Variants in TBX3 observed in about 807,000 individuals in gnomAD.
The protein encoded by TBX3 is T-box transcription factor 3, also known as T-box transcription factor TBX3.
In TBX3, 11 loss-of-function variants were observed where a neutral mutation model predicts 47.8. The observed-to-expected ratio is 0.23, with a 90% confidence interval of 0.14 to 0.38. The LOEUF (loss-of-function observed/expected upper bound fraction) is 0.38, where lower values mean the gene tolerates loss of function less well. Ranked by LOEUF, TBX3 falls within the 10% of genes least tolerant of loss-of-function variation. The pLI is 1.00. For synonymous variants in TBX3, 500 were observed against 449.3 expected, an observed-to-expected ratio of 1.11 and a Z score of -1.43; for missense variants, 927 against 1,022.8, an observed-to-expected ratio of 0.91 and a Z score of 1.28.
In TBX3 at chr12:114,671,829, T is replaced by A. The variant is rs150286184; in HGVS notation, c.*12A>T. 6.2e-4 allele frequency: 956 copies of A among 1,551,962 alleles called. 4 individuals carry two copies. The African/African-American group carries it at 0.012, about 20-fold the overall frequency. ...AACTGGACTGGAATGAAAAGACGTG[T>A]CTGGGACGGGTCTACGGGGACGCGC... On this transcript the variant is annotated 3_prime_UTR_variant, in exon 7 of 7. Transcript: ENST00000349155.
intron 1 of TBX3, among the ~76,000 whole-genome samples, chr12:114,681,951 G>T (rs1868947646): frequency 6.6e-6 from 1 of 152,134 alleles, no homozygotes; most frequent in Non-Finnish European, 1.5e-5. Flanking sequence ...CATTTAGCTT[G>T]GAAGGAGACA....
rs1869029575 is a variant in TBX3 at position 114,683,290 on chromosome 12, C to G, written c.-90G>C. The G allele has an allele frequency of 6.6e-7, 1 of 1,519,750 alleles. No individual in the cohort carries two copies. Among genetic ancestry groups the G allele is most frequent in the African/African-American group, 1.4e-5 (1 of 71,642 alleles). The allele number at this position is 1,519,750 out of a possible 1,614,324, so 94.1% of individuals were successfully genotyped here. A position where few individuals can be genotyped will look rare whatever the true frequency, so the allele number is the denominator to read the frequency against. ...TTTTTGTTGTTGTTTAACAGCAGCA[C>G]ATAATTCAAAAGGGGGGAAAAAGCA... is the stretch of plus-strand genomic sequence containing the variant. On this transcript the variant is annotated 5_prime_UTR_variant, in exon 1 of 7. The change abolishes an upstream ATG in the 5' untranslated region. Coordinates refer to ENST00000349155, the MANE Select transcript of TBX3 (RefSeq NM_005996.4). This position sits in a 1 kb window ranked among gnomAD's most constrained non-coding sequence, Gnocchi z 7.7.
chr12:114,678,366 G>A (rs1868798036), intron 3 of TBX3, among the ~76,000 whole-genome samples: 1 of 152,132 alleles, frequency 6.6e-6, no homozygotes, highest in Non-Finnish European at 1.5e-5. Context: ...TTTGCACTTT[G>A]AGAAAAATGC....
chr12:114,681,172 AAAAG>A (rs1168796133), intron 1 of TBX3, 26 bp from the exon 2 acceptor site: 3 of 1,613,640 alleles, frequency 1.9e-6, no homozygotes, highest in Non-Finnish European at 2.5e-6. Context: ...ATAGAAAAGA[AAAAG>A]AAAGATAAAC....
intron 4 of TBX3, 53 bp from the exon 5 acceptor site, chr12:114,676,523 T>C (rs1868719633): frequency 6.2e-7 from 1 of 1,609,788 alleles, no homozygotes; most frequent in Admixed American, 1.7e-5. Context: ...ATTTCCCCTC[T>C]TTGTTTCCCT....
At position 114,683,303 on chromosome 12, in the gene TBX3, G is replaced by C; in HGVS notation, c.-103C>G. On this transcript the variant is annotated 5_prime_UTR_variant, in exon 1 of 7. Transcript: ENST00000349155. This position sits in a 1 kb window ranked among gnomAD's most constrained non-coding sequence, Gnocchi z 7.7. ...TTAACAGCAGCACATAATTCAAAAG[G>C]GGGGAAAAAGCAAAACAAAAAAGAA... is the stretch of plus-strand genomic sequence containing the variant. 9.5e-6 allele frequency: 14 copies of C among 1,476,306 alleles called. 1 individual carries two copies. The South Asian group carries it at 1.4e-4, about 14-fold the overall frequency. The allele number at this position is 1,476,306 out of a possible 1,614,324, so 91.5% of individuals were successfully genotyped here. A position where few individuals can be genotyped will look rare whatever the true frequency, so the allele number is the denominator to read the frequency against.
In TBX3 at chr12:114,674,550, G is replaced by C; in HGVS notation, c.1325C>G (p.Thr442Arg). 6.4e-7 allele frequency: 1 copy of C among 1,553,958 alleles called. No individual in the cohort carries two copies. Among genetic ancestry groups the C allele is most frequent in the Non-Finnish European group, 8.7e-7 (1 of 1,153,956 alleles). ...CGCCTCTTCCACCTTGGCCGGCGCT[G>C]TGCCCTCGCGAACCGGGCTCCTGCG... is the stretch of plus-strand genomic sequence containing the variant. ...EERRSPVREG[T>R]APAKVEEARA... The change falls in exon 6 of 7, where the codon ACA becomes AGA. Residue 442 changes from threonine (T) to arginine (R), a missense_variant. Transcript: ENST00000349155.
chr12:114,672,453 G>T, intron 6 of TBX3, 151 bp from the exon 7 acceptor site: 1 of 599,888 alleles, frequency 1.7e-6, no homozygotes, highest in Non-Finnish European at 2.6e-6. Context: ...TTTTTGGGGG[G>T]GGAGATAGGT....
chr12:114,677,254 A>G (rs1285272957), intron 4 of TBX3, among the ~76,000 whole-genome samples: 2 of 152,254 alleles, frequency 1.3e-5, no homozygotes, highest in South Asian at 2.1e-4. Flanking sequence ...TATTTTCTCA[A>G]TGGCATGGTT....
chr12:114,679,745 C>T lies in TBX3; in HGVS notation c.658-94G>A, dbSNP rs1184604757. The T allele has an allele frequency of 5.7e-6, 9 of 1,583,118 alleles. No individual in the cohort carries two copies. In the East Asian group the frequency reaches 1.8e-4, roughly 31 times the overall value. ...CCCTGCCAGGCTGAAATCTTCCCCA[C>T]CGCAGGGTACCACGCTTGTACCGAG... On this transcript the variant is annotated intron_variant, in intron 2 of 6. Coordinates refer to ENST00000349155, the MANE Select transcript of TBX3 (RefSeq NM_005996.4).
At chr12:114,679,825 T>G in intron 2 of TBX3, 174 bp from the exon 3 acceptor site, 4 of 1,552,934 alleles carry the variant, frequency 2.6e-6, no homozygotes, top group Non-Finnish European at 3.5e-6. Context: ...TGTTATCTTC[T>G]GGAGAATCCA....
chr12:114,677,756 C>T, intron 3 of TBX3, 100 bp from the exon 4 acceptor site: 5 of 1,084,994 alleles, frequency 4.6e-6, no homozygotes, highest in Non-Finnish European at 5.7e-6. Context: ...GATGTGACTG[C>T]CAACAGAAGT....
intron 4 of TBX3, among the ~76,000 whole-genome samples, chr12:114,677,336 CCCT>C (rs1186347566): frequency 3.3e-5 from 5 of 152,188 alleles, no homozygotes; most frequent in Non-Finnish European, 4.4e-5. Context: ...AATCTATTAT[CCCT>C]GATGCTTCTC....
chr12:114,674,981 C>G, intron 5 of TBX3, 146 bp from the exon 6 acceptor site: 1 of 1,042,576 alleles, frequency 9.6e-7, no homozygotes, highest in Non-Finnish European at 1.4e-6. Flanking sequence ...CTCTGCACCT[C>G]AGTGTTGTCA....
chr12:114,672,645 T>A (rs185305805), intron 6 of TBX3, among the ~76,000 whole-genome samples: 45 of 152,104 alleles, frequency 3.0e-4, no homozygotes, highest in Admixed American at 7.9e-4. Context: ...AGTGAAAGCC[T>A]GCAATATGCT....
At position 114,674,198 on chromosome 12, in the gene TBX3, G is replaced by A. The variant is rs745430502; in HGVS notation, c.1677C>T (p.Pro559=). 2.5e-6 allele frequency: 4 copies of A among 1,583,566 alleles called. No homozygotes were observed. The African/African-American group carries it at 4.0e-5, about 16-fold the overall frequency. ...GLSGASAATL[P]FHLQQHVLAS... ...CCAGGACGTGCTGCTGGAGGTGGAA[G>A]GGCAGGGTGGCCGCGGACGCCCCGG... The change falls in exon 6 of 7, where the codon CCC becomes CCT. Residue 559 remains proline, a synonymous_variant. Coordinates refer to ENST00000349155, the MANE Select transcript of TBX3 (RefSeq NM_005996.4).
At chr12:114,680,154 G>A (rs1000820545) in intron 2 of TBX3, 43 of 648,870 alleles carry the variant, frequency 6.6e-5, no homozygotes, top group Admixed American at 3.7e-4. Flanking sequence ...AGATATTTCC[G>A]CGCCATTCGC....
At position 114,674,811 on chromosome 12, in the gene TBX3, C is replaced by A; in HGVS notation, c.1064G>T (p.Ser355Ile). 6.3e-7 allele frequency: 1 copy of A among 1,576,118 alleles called. No individual in the cohort carries two copies. The highest frequency in any genetic ancestry group is 2.3e-5 in the East Asian group (1 of 44,020). The change falls in exon 6 of 7, where the codon AGC becomes ATC. Residue 355 changes from serine to isoleucine, a missense_variant. By Grantham distance (142) the Ser-to-Ile change is moderately radical. Transcript: ENST00000349155. Reference sequence around the variant, plus strand: ...CTCTTTGCTCTCGGCCTCGGCGTCGCTCTCACCCTCGCTGGGACATAAATC... The same window carrying A: ...CTCTTTGCTCTCGGCCTCGGCGTCGATCTCACCCTCGCTGGGACATAAATC... ...LKDLCPSEGESDAEAESKEEH... is the reference protein window; with the variant it reads ...LKDLCPSEGEIDAEAESKEEH...
At chr12:114,681,873 G>A (rs898260522) in intron 1 of TBX3, among the ~76,000 whole-genome samples, 1 of 152,232 alleles carries the variant, frequency 6.6e-6, no homozygotes, top group African/African-American at 2.4e-5. Flanking sequence ...AAGCAAGGAA[G>A]CACTTTGCTG....
Sources: gnomAD v4.1 joint callset for allele counts (sites outside exome capture counted in the v4.1 genomes callset) on GRCh38, gnomAD v4.1.1 for gene constraint, Gnocchi (gnomAD v3.1) non-coding constraint, MANE v1.5 for transcripts, NCBI Gene and HGNC (gene_info 2026-07-23, HGNC 2026-07-21) for gene names.